Variants in CCDC7 observed in about 807,000 individuals in gnomAD.
CCDC7 encodes the protein coiled-coil domain containing 7.
A neutral mutation model predicts 196.9 loss-of-function variants in CCDC7; 183 were observed. That is an observed-to-expected ratio of 0.93 (90% CI 0.82 to 1.05). The LOEUF (loss-of-function observed/expected upper bound fraction) is 1.05, where lower values mean the gene tolerates loss of function less well. Ranked by LOEUF, CCDC7 falls within the 50% of genes least tolerant of loss-of-function variation. CCDC7 has a pLI of 0.00. For missense variants in CCDC7, 1,540 were observed against 1,482.2 expected, an observed-to-expected ratio of 1.04 and a Z score of -0.64; for synonymous variants, 525 against 484.6, an observed-to-expected ratio of 1.08 and a Z score of -1.10.
rs2093297499 is a variant in CCDC7, at chr10:32,846,430, CA to C, written c.3661del (p.Ile1221SerfsTer5). On this transcript the variant is annotated frameshift_variant, in exon 37 of 42. Transcript: ENST00000639629. LOFTEE classifies it high-confidence loss of function. Reference sequence around the variant, plus strand: ...ATTGGAAGAGATATAATAAAGGGACCAATCAGTGCACAATTAAAGAGTCACC... The same window carrying C: ...ATTGGAAGAGATATAATAAAGGGACCATCAGTGCACAATTAAAGAGTCACC... 1 of 1,597,308 alleles carries C rather than the reference CA, an allele frequency of 6.3e-7. No homozygotes were observed. Among genetic ancestry groups the C allele is most frequent in the African/African-American group, 1.4e-5 (1 of 73,874 alleles).
At chr10:32,750,397 C>T (rs540029450) in intron 28 of CCDC7, among the ~76,000 whole-genome samples, 2 of 151,812 alleles carry the variant, frequency 1.3e-5, no homozygotes, top group Non-Finnish European at 2.9e-5. Flanking sequence ...TTAATAATCT[C>T]GAGGCAGAAA....
upstream of CCDC7, among the ~76,000 whole-genome samples, chr10:32,445,984 CGAT>C (rs1300741732): frequency 1.3e-5 from 2 of 152,180 alleles, no homozygotes; most frequent in African/African-American, 4.8e-5. Flanking sequence ...AGGAGGAGGC[CGAT>C]GTGCCCATGG....
chr10:32,684,134 G>A (rs555187743), intron 21 of CCDC7, among the ~76,000 whole-genome samples: 65 of 152,272 alleles, frequency 4.3e-4, no homozygotes, highest in Middle Eastern at 6.8e-3. Context: ...GACCTAGGCC[G>A]ATTGGCTTTG....
intron 21 of CCDC7, among the ~76,000 whole-genome samples, chr10:32,678,114 T>C (rs1486539726): frequency 2.0e-5 from 3 of 152,160 alleles, no homozygotes; most frequent in Non-Finnish European, 4.4e-5. Context: ...TGTTCATGTG[T>C]TGTTTCCCTA....
At chr10:32,824,675 A>G in intron 32 of CCDC7, 71 bp downstream of exon 33, 1 of 969,942 alleles carries the variant, frequency 1.0e-6, no homozygotes, top group South Asian at 1.4e-5. Context: ...TGTATCTCTA[A>G]TGACAACAGT....
At chr10:32,711,830 A>G (rs1426608005) in intron 25 of CCDC7, 100 bp downstream of exon 26, 5 of 577,454 alleles carry the variant, frequency 8.7e-6, no homozygotes, top group Non-Finnish European at 1.4e-5. Context: ...CATATATTTT[A>G]TTGATAATTT....
At chr10:32,697,223 G>A (rs572984379) in intron 24 of CCDC7, among the ~76,000 whole-genome samples, 108 of 152,260 alleles carry the variant, frequency 7.1e-4, no homozygotes, top group African/African-American at 2.3e-3. Context: ...CAAGATGGCC[G>A]AATAGGAACA....
At chr10:32,836,565 G>A (rs1278470017) in intron 33 of CCDC7, among the ~76,000 whole-genome samples, 2 of 152,082 alleles carry the variant, frequency 1.3e-5, no homozygotes, top group African/African-American at 4.8e-5. Context: ...ACTTTTCAAT[G>A]ATTACCATTC....
chr10:32,558,808 C>G (rs2054806730), intron 13 of CCDC7, among the ~76,000 whole-genome samples: 1 of 152,216 alleles, frequency 6.6e-6, no homozygotes, highest in Non-Finnish European at 1.5e-5. Context: ...GAGTGCCAGA[C>G]AGTGGGCACA....
chr10:32,703,411 T>TAA (rs2079107349), intron 24 of CCDC7, among the ~76,000 whole-genome samples: 1 of 152,084 alleles, frequency 6.6e-6, no homozygotes, highest in African/African-American at 2.4e-5. Context: ...CTTCCCTTTG[T>TAA]GGGTAACGCG....
intron 29 of CCDC7, among the ~76,000 whole-genome samples, chr10:32,780,070 C>T (rs983982390): frequency 2.0e-5 from 3 of 152,196 alleles, no homozygotes; most frequent in East Asian, 3.9e-4. Flanking sequence ...AACCCCGTCT[C>T]TACAAAAATA....
intron 9 of CCDC7, among the ~76,000 whole-genome samples, chr10:32,493,363 T>TTATATA (rs1261176398): frequency 1.3e-5 from 2 of 149,334 alleles, no homozygotes; most frequent in Non-Finnish European, 3.0e-5. Flanking sequence ...GGATAATATT[T>TTATATA]TATATTTATA....
chr10:32,860,845 A>G (rs964815409), intron 41 of CCDC7, among the ~76,000 whole-genome samples: 4 of 152,176 alleles, frequency 2.6e-5, no homozygotes, highest in African/African-American at 9.7e-5. Context: ...TAGGAATCCA[A>G]CTTACAAGGG....
chr10:32,779,188 G>C, intron 29 of CCDC7, 104 bp downstream of exon 30: 2 of 808,080 alleles, frequency 2.5e-6, no homozygotes, highest in Non-Finnish European at 3.7e-6. Context: ...AGAAGGAGTA[G>C]TCTTTCTCAA....
At chr10:32,479,849 T>C (rs1234716156) in intron 8 of CCDC7, among the ~76,000 whole-genome samples, 1 of 151,910 alleles carries the variant, frequency 6.6e-6, no homozygotes, top group African/African-American at 2.4e-5. Flanking sequence ...TTTTTTTTTT[T>C]TTAGTGGGGG....
exon 5 of CCDC7, chr10:32,463,031 G>T (rs745746480): frequency 1.2e-6 from 2 of 1,613,296 alleles, no homozygotes; most frequent in South Asian, 1.1e-5. Context: ...TTCAGTGGCA[G>T]GTCAATCAGA....
chr10:32,651,376 G>A (rs905485733), intron 20 of CCDC7, among the ~76,000 whole-genome samples: 1 of 152,138 alleles, frequency 6.6e-6, no homozygotes, highest in African/African-American at 2.4e-5. Flanking sequence ...GGTGTTTTCT[G>A]TCCAGAGATT....
At chr10:32,726,675 T>C (rs2083173214) in intron 25 of CCDC7, 59 bp from the exon 27 acceptor site, 2 of 944,306 alleles carry the variant, frequency 2.1e-6, no homozygotes, top group South Asian at 3.2e-5. Flanking sequence ...GATTTCACAA[T>C]AGATTTGTTT....
intron 41 of CCDC7, among the ~76,000 whole-genome samples, chr10:32,863,707 A>T (rs2094096073): frequency 6.6e-6 from 1 of 151,958 alleles, no homozygotes; most frequent in African/African-American, 2.4e-5. Flanking sequence ...TATGCAAAAA[A>T]TATAATTGAA....
Sources: gnomAD v4.1 joint callset for allele counts (sites outside exome capture counted in the v4.1 genomes callset) on GRCh38, gnomAD v4.1.1 for gene constraint, MANE v1.5 for transcripts, NCBI Gene and HGNC (gene_info 2026-07-23, HGNC 2026-07-21) for gene names.